The following GIMAP6 variants were observed in gnomAD, a reference collection of about 807,000 sequenced individuals.
GIMAP6 encodes the protein GTPase, IMAP family member 6, also known as GTPase IMAP family member 6.
GIMAP6 carries 6 observed loss-of-function variants against 9.3 expected under a neutral mutation model. The ratio of observed to expected loss-of-function variants is 0.65; its 90% CI spans 0.35 to 1.27. The LOEUF (loss-of-function observed/expected upper bound fraction) is 1.27, where lower values mean the gene tolerates loss of function less well. GIMAP6 is among the 50% of genes most tolerant of loss of function. The probability of loss-of-function intolerance (pLI) is 0.03; values close to 1 mark genes in which losing one functional copy is unlikely to be tolerated. For synonymous variants in GIMAP6, 156 were observed against 151.1 expected (o/e 1.03, Z -0.24); for missense variants, 333 against 359.5 (o/e 0.93, Z 0.60).
At chr7:150,630,289 G>A in intron 1 of GIMAP6, 147 bp from the exon 2 acceptor site, 2 of 573,944 alleles carry the variant, frequency 3.5e-6, no homozygotes, top group Non-Finnish European at 3.0e-6. Context: ...TGAGGCAATG[G>A]AAGAAGGGGT....
In GIMAP6 at chr7:150,627,872, G is replaced by A. The variant is rs773633385; in HGVS notation, c.726C>T (p.Asn242=). 6.2e-7 allele frequency: 1 copy of A among 1,614,258 alleles called. No individual in the cohort carries two copies. The highest frequency in any genetic ancestry group is 1.1e-5 in the South Asian group (1 of 91,086). ...TTTCCTGTAGTTCTTTCAGCCGAAA[G>A]TTTTGCTGGGTATATTGGTAAGCCT... ...SNKAYQYTQQ[N]FRLKELQERQ... Residue 242 remains asparagine (N), a synonymous_variant, in exon 3 of 3, where the codon AAC becomes AAT. Coordinates refer to ENST00000328902, the MANE Select transcript of GIMAP6 (RefSeq NM_024711.6).
In GIMAP6 at chr7:150,627,902, G is replaced by A. The variant is rs754684388; in HGVS notation, c.696C>T (p.Ser232=). 1 of 1,614,242 alleles carries A rather than the reference G, an allele frequency of 6.2e-7. No homozygotes were observed. Among genetic ancestry groups the A allele is most frequent in the Non-Finnish European group, 8.5e-7 (1 of 1,180,044 alleles). ...GCTGGGTATATTGGTAAGCCTTGTT[G>A]CTGTAATAATCTCCTTCGTTTTCCC... ...IMWENEGDYY[S]NKAYQYTQQN... Residue 232 remains serine, a synonymous_variant, in exon 3 of 3, where the codon AGC becomes AGT. Coordinates refer to ENST00000328902, the MANE Select transcript of GIMAP6 (RefSeq NM_024711.6).
At position 150,628,317 on chromosome 7, in the gene GIMAP6, A is replaced by G. The variant is rs1256691463; in HGVS notation, c.281T>C (p.Ile94Thr). Residue 94 changes from isoleucine (I) to threonine (T), a missense_variant, in exon 3 of 3, where the codon ATT becomes ACT. Transcript: ENST00000328902. The part of the protein sequence containing the change: ...REWAGKELEV[I>T]DTPNILSPQV... Reference sequence around the variant, plus strand: ...GGGGGACAGAATGTTGGGTGTGTCAATCACCTCAAGCTCCTTCCCAGCCCA... The same window carrying G: ...GGGGGACAGAATGTTGGGTGTGTCAGTCACCTCAAGCTCCTTCCCAGCCCA... 5 of 1,614,118 alleles carry G rather than the reference A, an allele frequency of 3.1e-6. No homozygotes were observed. Among genetic ancestry groups the G allele is most frequent in the Non-Finnish European group, 4.2e-6 (5 of 1,179,986 alleles).
chr7:150,629,486 G>A (rs111300888), intron 2 of GIMAP6, among the ~76,000 whole-genome samples: 4 of 152,292 alleles, frequency 2.6e-5, no homozygotes, highest in African/African-American at 9.6e-5. Context: ...TGTAAATCCT[G>A]CCTCCCCAGG....
In GIMAP6 at chr7:150,627,395, C is replaced by A. The variant is rs1796312256; in HGVS notation, c.*324G>T. 2.5e-6 allele frequency: 1 copy of A among 398,592 alleles called. No homozygotes were observed. Among genetic ancestry groups the A allele is most frequent in the Non-Finnish European group, 4.6e-6 (1 of 215,354 alleles). The allele number at this position is 398,592 out of a possible 1,614,324, so 24.7% of individuals were successfully genotyped here. A position where few individuals can be genotyped will look rare whatever the true frequency, so the allele number is the denominator to read the frequency against. On this transcript the variant is annotated 3_prime_UTR_variant, in exon 3 of 3. Transcript: ENST00000328902. ...ACAGAAGTAAAAGATACAGGCCTGC[C>A]CTCAAGAAACTTTGGTTCTATCAGA... is the stretch of plus-strand genomic sequence containing the variant.
rs1358722138 is a variant in GIMAP6, at chr7:150,626,965, C to T, written c.*754G>A. 1 of 152,296 alleles carries T rather than the reference C, an allele frequency of 6.6e-6. No homozygotes were observed. Among genetic ancestry groups the T allele is most frequent in the Non-Finnish European group, 1.5e-5 (1 of 68,148 alleles). The allele number at this position is 152,296 out of a possible 1,614,324, so 9.4% of individuals were successfully genotyped here. ...CCTCTGCCCAAGTCCACTTGCATCC[C>T]TAGGGGCTTCCATGTTCTGTAGCCA... On this transcript the variant is annotated 3_prime_UTR_variant, in exon 3 of 3. Transcript: ENST00000328902.
At position 150,628,438 on chromosome 7, in the gene GIMAP6, T is replaced by C. The variant is rs1214051465; in HGVS notation, c.160A>G (p.Ser54Gly). ...ILMGKTGSGK[S>G]ATGNSILGRD... ...CCGAGGATGCTGTTTCCTGTTGCAC[T>C]CTTCCCACTCCCTGTTTTCCCCATG... is the stretch of plus-strand genomic sequence containing the variant. The change falls in exon 3 of 3, where the codon AGT becomes GGT. Residue 54 changes from serine to glycine, a missense_variant. Coordinates refer to ENST00000328902, the MANE Select transcript of GIMAP6 (RefSeq NM_024711.6). 6.2e-7 allele frequency: 1 copy of C among 1,614,214 alleles called. No individual in the cohort carries two copies. The highest frequency in any genetic ancestry group is 1.1e-5 in the South Asian group (1 of 91,086).
In GIMAP6 at chr7:150,628,355, T is replaced by C; in HGVS notation, c.243A>G (p.Arg81=). 1 of 1,614,096 alleles carries C rather than the reference T, an allele frequency of 6.2e-7. No homozygotes were observed. Among genetic ancestry groups the C allele is most frequent in the Non-Finnish European group, 8.5e-7 (1 of 1,179,972 alleles). The part of the protein sequence containing the change: ...STRPVTKTSQ[R]RSREWAGKEL... ...CCTTCCCAGCCCACTCTCGGCTCCGTCTCTGGGAGGTCTTGGTCACGGGTC... is the reference window on the plus strand; with the variant it reads ...CCTTCCCAGCCCACTCTCGGCTCCGCCTCTGGGAGGTCTTGGTCACGGGTC... Residue 81 remains arginine (R), a synonymous_variant, in exon 3 of 3, where the codon AGA becomes AGG. Transcript: ENST00000328902.
intron 2 of GIMAP6, chr7:150,628,917 A>G (rs1796347869): frequency 2.0e-6 from 1 of 494,286 alleles, no homozygotes; most frequent in African/African-American, 2.0e-5. Context: ...ACATTGATGT[A>G]TCTCAGATGA....
chr7:150,630,146 C>CAAAAAAAA lies in GIMAP6; in HGVS notation c.1-12_1-5dup, dbSNP rs58764098. On this transcript the variant is annotated splice_polypyrimidine_tract_variant and splice_region_variant and intron_variant, in intron 1 of 2. Transcript: ENST00000328902. Reference sequence around the variant, plus strand: ...GTTCATATTCTTCTTCCTCCATCTACAAAAAAAAAAAAAAAAAAAAAATCA... The same window carrying CAAAAAAAA: ...GTTCATATTCTTCTTCCTCCATCTACAAAAAAAAAAAAAAAAAAAAAAAAAAAAAATCA... The CAAAAAAAA allele has an allele frequency of 1.1e-5, 10 of 936,264 alleles. No individual in the cohort carries two copies. The highest frequency in any genetic ancestry group is 9.7e-5 in the South Asian group (4 of 41,314). 58.0% of individuals were successfully genotyped at this position (936,264 alleles called of 1,614,324 possible).
intron 1 of GIMAP6, 48 bp from the exon 2 acceptor site, chr7:150,630,190 C>T: frequency 1.4e-6 from 2 of 1,445,164 alleles, no homozygotes; most frequent in Non-Finnish European, 1.9e-6. Context: ...ACTGACTTTC[C>T]AAATGAGTTT....
chr7:150,628,743 T>A (rs1796344550), intron 2 of GIMAP6: 1 of 1,456,242 alleles, frequency 6.9e-7, no homozygotes. Context: ...GAGCGAGACT[T>A]GGCCAATAGA....
At chr7:150,630,194 T>C (rs1433268385) in intron 1 of GIMAP6, 52 bp from the exon 2 acceptor site, 2 of 1,432,000 alleles carry the variant, frequency 1.4e-6, no homozygotes, top group Non-Finnish European at 1.9e-6. Context: ...ACTTTCCAAA[T>C]GAGTTTCAAC....
chr7:150,628,597 C>T, intron 2 of GIMAP6, 85 bp from the exon 3 acceptor site: 2 of 1,596,048 alleles, frequency 1.3e-6, no homozygotes, highest in Non-Finnish European at 8.5e-7. Flanking sequence ...TCTGGGTGTA[C>T]CCCCAGACTG....
intron 2 of GIMAP6, among the ~76,000 whole-genome samples, chr7:150,629,293 A>T (rs933469113): frequency 6.6e-6 from 1 of 152,236 alleles, no homozygotes; most frequent in African/African-American, 2.4e-5. Context: ...TGATTGCTAT[A>T]ACAAAAGGTC....
At chr7:150,631,527 T>C (rs1254673178) in intron 1 of GIMAP6, among the ~76,000 whole-genome samples, 1 of 152,194 alleles carries the variant, frequency 6.6e-6, no homozygotes, top group Non-Finnish European at 1.5e-5. Context: ...TGTAATCTCA[T>C]TCCTCCTTTA....
Position 150,627,465 on chromosome 7 carries a change from G to A in GIMAP6, c.*254C>T. ...GAAAGGCAATGCAATGAGATAGAAG[G>A]TCCAATAGGAAGACAGCGTGCTGTT... On this transcript the variant is annotated 3_prime_UTR_variant, in exon 3 of 3. Coordinates refer to ENST00000328902, the MANE Select transcript of GIMAP6 (RefSeq NM_024711.6). 1 of 570,062 alleles carries A rather than the reference G, an allele frequency of 1.8e-6. No homozygotes were observed. The highest frequency in any genetic ancestry group is 2.1e-5 in the South Asian group (1 of 47,884). The allele number at this position is 570,062 out of a possible 1,614,324, so 35.3% of individuals were successfully genotyped here.
rs779155701 is a variant in GIMAP6 at position 150,628,030 on chromosome 7, C to T, written c.568G>A (p.Val190Met). The T allele has an allele frequency of 6.2e-7, 1 of 1,614,154 alleles. No homozygotes were observed. Among genetic ancestry groups the T allele is most frequent in the Non-Finnish European group, 8.5e-7 (1 of 1,180,052 alleles). ...TNNQALAWLDVTLARRHCGFN... is the reference protein window; with the variant it reads ...TNNQALAWLDMTLARRHCGFN... ...CCGCAATGGCGCCGTGCAAGGGTCA[C>T]ATCCAGCCAGGCAAGGGCCTGGTTG... Residue 190 changes from valine to methionine, a missense_variant, in exon 3 of 3, where the codon GTG (valine) becomes ATG (methionine). Val to Met is a conservative substitution (Grantham distance 21, BLOSUM62 1). Transcript: ENST00000328902.
At position 150,628,290 on chromosome 7, in the gene GIMAP6, T is replaced by C. The variant is rs114540180; in HGVS notation, c.308A>G (p.Gln103Arg). 3.6e-3 allele frequency: 5,868 copies of C among 1,614,146 alleles called. 158 individuals are homozygous for C. In the African/African-American group the frequency reaches 0.064, roughly 18 times the overall value. Residue 103 changes from glutamine to arginine, a missense_variant, in exon 3 of 3, where the codon CAG (glutamine) becomes CGG (arginine). Coordinates refer to ENST00000328902, the MANE Select transcript of GIMAP6 (RefSeq NM_024711.6). The stretch of plus-strand genomic sequence containing the variant: ...AGCGTCTGCCACCTCTGGCGAGACC[T>C]GGGGGGACAGAATGTTGGGTGTGTC... ...VIDTPNILSP[Q>R]VSPEVADAIC...
Sources: gnomAD v4.1 joint callset for allele counts (sites outside exome capture counted in the v4.1 genomes callset) on GRCh38, gnomAD v4.1.1 for gene constraint, MANE v1.5 for transcripts, NCBI Gene and HGNC (gene_info 2026-07-23, HGNC 2026-07-21) for gene names.